ZNF264: variants seen among roughly 807,000 people sequenced by gnomAD.
ZNF264 encodes zinc finger protein 264.
A neutral mutation model predicts 11.2 loss-of-function variants in ZNF264; 11 were observed. The ratio of observed to expected loss-of-function variants is 0.98; its 90% CI spans 0.62 to 1.63. The LOEUF (loss-of-function observed/expected upper bound fraction) is 1.63. Ranked by LOEUF, ZNF264 falls within the 40% of genes most tolerant of loss-of-function variation. ZNF264 has a pLI of 0.00. For missense variants in ZNF264, 752 were observed against 768.1 expected (o/e 0.98, Z 0.25); for synonymous variants, 309 against 279.8 (o/e 1.10, Z -1.04).
intron 2 of ZNF264, 182 bp downstream of exon 2, chr19:57,194,183 A>G: frequency 1.2e-6 from 1 of 813,972 alleles, no homozygotes; most frequent in Non-Finnish European, 1.8e-6. Context: ...TGGGCTAAAG[A>G]CAGGGTACTC....
At chr19:57,193,465 TTC>T (rs1167403623) in intron 1 of ZNF264, 24 of 984,938 alleles carry the variant, frequency 2.4e-5, no homozygotes, top group Non-Finnish European at 9.6e-6. Context: ...AGCTAGGAAC[TTC>T]TAGTCACTGT....
Position 57,222,747 on chromosome 19 carries a change from G to A in ZNF264, c.*9766G>A, listed in dbSNP as rs890122199. The A allele has an allele frequency of 6.6e-6, 1 of 152,126 alleles. No homozygotes were observed. Among genetic ancestry groups the A allele is most frequent in the Non-Finnish European group, 1.5e-5 (1 of 68,032 alleles). 9.4% of individuals were successfully genotyped at this position (152,126 alleles called of 1,614,324 possible). A position where few individuals can be genotyped will look rare whatever the true frequency, so the allele number is the denominator to read the frequency against. ...CCTTTTGTTGCTGCTTTTGAAACTAGTTCATGGCTTCAGTGGGGGAGAGAT... is the reference window on the plus strand; with the variant it reads ...CCTTTTGTTGCTGCTTTTGAAACTAATTCATGGCTTCAGTGGGGGAGAGAT... On this transcript the variant is annotated 3_prime_UTR_variant, in exon 4 of 4. Transcript: ENST00000263095.
At chr19:57,199,882 G>A (rs2087238384) in intron 2 of ZNF264, among the ~76,000 whole-genome samples, 1 of 151,768 alleles carries the variant, frequency 6.6e-6, no homozygotes, top group South Asian at 2.1e-4. Context: ...GCAGCACAGG[G>A]TTTATCTCCT....
intron 2 of ZNF264, among the ~76,000 whole-genome samples, chr19:57,198,119 C>T (rs1446563060): frequency 6.6e-6 from 1 of 151,996 alleles, no homozygotes; most frequent in Non-Finnish European, 1.5e-5. Flanking sequence ...TCTGGTGGGC[C>T]TTATGGACAG....
rs2087200865 is a variant in ZNF264, at chr19:57,194,870, T to C, written c.160+869T>C. 2.0e-5 allele frequency: 8 copies of C among 400,018 alleles called. No homozygotes were observed. The East Asian group carries it at 2.1e-4, about 11-fold the overall frequency. 24.8% of individuals were successfully genotyped at this position (400,018 alleles called of 1,614,324 possible). A position where few individuals can be genotyped will look rare whatever the true frequency, so the allele number is the denominator to read the frequency against. ...AGAGCACACTGAGCATTGAATACTT[T>C]CTCTTTAAATTTAACGACTGTTACT... On this transcript the variant is annotated intron_variant, in intron 2 of 3. Coordinates refer to ENST00000263095, the MANE Select transcript of ZNF264 (RefSeq NM_003417.5).
chr19:57,212,770 A>G lies in ZNF264; in HGVS notation c.1673A>G (p.Gln558Arg), dbSNP rs1296999872. 3.1e-6 allele frequency: 5 copies of G among 1,614,000 alleles called. No individual in the cohort carries two copies. ...CGCAGCTCGTCCCTCACTCAGCATC[A>G]AAGGATGCATACTGGGAAAAATCCC... ...FSRSSSLTQHQRMHTGKNPIS... is the reference protein window; with the variant it reads ...FSRSSSLTQHRRMHTGKNPIS... The change falls in exon 4 of 4, where the codon CAA becomes CGA. Residue 558 changes from glutamine to arginine, a missense_variant. Transcript: ENST00000263095.
At chr19:57,205,330 ACT>A in intron 2 of ZNF264, 65 bp from the exon 3 acceptor site, 7 of 1,474,082 alleles carry the variant, frequency 4.7e-6, no homozygotes, top group Non-Finnish European at 6.5e-6. Flanking sequence ...GAAGTCCCAA[ACT>A]AGATTGAAGG....
rs61730302 is a variant in ZNF264 at position 57,211,632 on chromosome 19, G to A, written c.535G>A (p.Gly179Arg). 2.8e-4 allele frequency: 456 copies of A among 1,614,156 alleles called. No homozygotes were observed. The African/African-American group carries it at 5.5e-3, about 19-fold the overall frequency. Residue 179 changes from glycine to arginine, a missense_variant, in exon 4 of 4, where the codon GGA (glycine) becomes AGA (arginine). Coordinates refer to ENST00000263095, the MANE Select transcript of ZNF264 (RefSeq NM_003417.5). ...GATTGGACAGGAGCAAGTCTCTCCAGGAGATAGAGTCCGTAGCCATAACTC... is the reference window on the plus strand; with the variant it reads ...GATTGGACAGGAGCAAGTCTCTCCAAGAGATAGAGTCCGTAGCCATAACTC... ...SRIGQEQVSP[G>R]DRVRSHNSCE...
intron 2 of ZNF264, among the ~76,000 whole-genome samples, chr19:57,199,147 C>T (rs1191940653): frequency 6.6e-6 from 1 of 151,888 alleles, no homozygotes; most frequent in Non-Finnish European, 1.5e-5. Context: ...CTATGCCTAC[C>T]TTGCCTTTGA....
In ZNF264 at chr19:57,196,154, A is replaced by G. The variant is rs183993188; in HGVS notation, c.160+2153A>G. Among the ~76,000 whole-genome samples, 3 of 152,004 alleles carry G rather than the reference A, an allele frequency of 2.0e-5. No individual in the cohort carries two copies. The East Asian group carries it at 5.8e-4, about 29-fold the overall frequency. On this transcript the variant is annotated intron_variant, in intron 2 of 3. Transcript: ENST00000263095. ...CTGTCAATCCAGTTGCTTCAGGACT[A>G]TGGGGAACATGGTAAGATCAGTGAA... is the stretch of plus-strand genomic sequence containing the variant.
chr19:57,197,484 C>T (rs997404246), intron 2 of ZNF264, among the ~76,000 whole-genome samples: 1 of 151,894 alleles, frequency 6.6e-6, no homozygotes, highest in Non-Finnish European at 1.5e-5. Context: ...CTGCCAAAGG[C>T]TCCAAACAGC....
intron 2 of ZNF264, chr19:57,194,292 G>A: frequency 2.2e-6 from 1 of 452,088 alleles, no homozygotes; most frequent in Non-Finnish European, 3.9e-6. Context: ...GCTGGTGTAG[G>A]AACTGAGAAC....
rs2087384425 is a variant in ZNF264, at chr19:57,216,939, GT to G, written c.*3960del. 6.6e-6 allele frequency: 1 copy of G among 150,860 alleles called. No individual in the cohort carries two copies. The highest frequency in any genetic ancestry group is 6.6e-5 in the Admixed American group (1 of 15,116). 9.3% of individuals were successfully genotyped at this position (150,860 alleles called of 1,614,324 possible). On this transcript the variant is annotated 3_prime_UTR_variant, in exon 4 of 4. Coordinates refer to ENST00000263095, the MANE Select transcript of ZNF264 (RefSeq NM_003417.5). ...TAGATCCTCCTTGACTTATGATGGG[GT>G]TATGTCACAATAAACCCATTGCAAG...
rs4801443 is a variant in ZNF264, at chr19:57,219,939, T to C, written c.*6958T>C. On this transcript the variant is annotated 3_prime_UTR_variant, in exon 4 of 4. Transcript: ENST00000263095. ...CACCCATAATTATAATGAGAGCAGG[T>C]GAATGTCATGTGGCTATGTATGAGA... is the stretch of plus-strand genomic sequence containing the variant. 101,897 of 152,216 alleles carry C rather than the reference T, an allele frequency of 0.67. 35,289 individuals are homozygous for C. The highest frequency in any genetic ancestry group is 0.83 in the African/African-American group (34,551 of 41,562). 9.4% of individuals were successfully genotyped at this position (152,216 alleles called of 1,614,324 possible).
intron 1 of ZNF264, among the ~76,000 whole-genome samples, 199 bp downstream of exon 1, chr19:57,192,145 G>C (rs544298490): frequency 1.4e-4 from 21 of 152,236 alleles, no homozygotes; most frequent in African/African-American, 4.6e-4. Flanking sequence ...GTAGGTTGTT[G>C]AGTGAATGAT....
chr19:57,194,152 C>A, intron 2 of ZNF264, 151 bp downstream of exon 2: 1 of 1,105,356 alleles, frequency 9.0e-7, no homozygotes, highest in South Asian at 1.7e-5. Context: ...TAACCTCTTC[C>A]TATCTGGTCT....
intron 2 of ZNF264, chr19:57,194,799 G>A (rs1450459781): frequency 2.5e-5 from 10 of 399,984 alleles, no homozygotes; most frequent in Non-Finnish European, 2.7e-5. Context: ...GGATCAATAC[G>A]TTGCATCCTT....
chr19:57,192,955 T>A (rs2087185951), intron 1 of ZNF264, among the ~76,000 whole-genome samples: 1 of 152,066 alleles, frequency 6.6e-6, no homozygotes, highest in Non-Finnish European at 1.5e-5. Context: ...GGTCTTCAAC[T>A]CCTGGCCTCA....
Position 57,212,136 on chromosome 19 carries a change from G to A in ZNF264, c.1039G>A (p.Glu347Lys). The A allele has an allele frequency of 6.2e-7, 1 of 1,614,218 alleles. No individual in the cohort carries two copies. ...HSGENPYECL[E>K]CGKVFKHRSY... ...TGGTGAGAATCCCTATGAGTGCTTGGAGTGTGGCAAGGTCTTCAAACACAG... is the reference window on the plus strand; with the variant it reads ...TGGTGAGAATCCCTATGAGTGCTTGAAGTGTGGCAAGGTCTTCAAACACAG... The change falls in exon 4 of 4, where the codon GAG becomes AAG. Residue 347 changes from glutamate to lysine, a missense_variant. Coordinates refer to ENST00000263095, the MANE Select transcript of ZNF264 (RefSeq NM_003417.5).
Sources: gnomAD v4.1 joint callset for allele counts (sites outside exome capture counted in the v4.1 genomes callset) on GRCh38, gnomAD v4.1.1 for gene constraint, MANE v1.5 for transcripts, NCBI Gene and HGNC (gene_info 2026-07-23, HGNC 2026-07-21) for gene names.